NFKBID: variants seen among roughly 807,000 people sequenced by gnomAD.
NFKBID encodes the protein NFKB inhibitor delta, also known as NF-kappa-B inhibitor delta.
NFKBID carries 26 observed loss-of-function variants against 53.4 expected under a neutral mutation model. The observed-to-expected ratio is 0.49, with a 90% CI of 0.36 to 0.68. The LOEUF is 0.68. Ranked by LOEUF, NFKBID falls within the 30% of genes least tolerant of loss-of-function variation. NFKBID has a pLI of 0.00. For missense variants in NFKBID, 493 were observed against 614.1 expected, an observed-to-expected ratio of 0.80 and a Z score of 2.08; for synonymous variants, 262 against 259.8, an observed-to-expected ratio of 1.01 and a Z score of -0.08.
chr19:35,899,174 G>C (rs1484468070), intron 1 of NFKBID, among the ~76,000 whole-genome samples: 1 of 152,130 alleles, frequency 6.6e-6, no homozygotes, highest in Admixed American at 6.6e-5. Context: ...GTTGGTGGGG[G>C]GCCGGCGCCA....
chr19:35,897,383 T>A (rs2079220862), intron 4 of NFKBID: 12 of 551,714 alleles, frequency 2.2e-5, no homozygotes, highest in Non-Finnish European at 3.2e-5. Flanking sequence ...GCCTCCCGAG[T>A]AGCTAGGATT....
Position 35,893,648 on chromosome 19 carries a change from G to A in NFKBID, c.1032+2332C>T, listed in dbSNP as rs138514708. The stretch of plus-strand genomic sequence containing the variant: ...ATCCTGGCTAACACGGTGAAACTGC[G>A]TCTCTACTAAAAATGCAAAAATTTA... On this transcript the variant is annotated intron_variant, in intron 9 of 11. Coordinates refer to ENST00000641389, the Ensembl canonical transcript of NFKBID. Among the ~76,000 whole-genome samples the A allele has an allele frequency of 5.7e-3, 872 of 151,908 alleles. 13 individuals carry two copies. The highest frequency in any genetic ancestry group is 0.02 in the African/African-American group (815 of 41,486).
intron 9 of NFKBID, 118 bp downstream of exon 9, chr19:35,895,862 G>A (rs1241384189): frequency 1.2e-5 from 11 of 882,980 alleles, no homozygotes; most frequent in African/African-American, 3.3e-5. Context: ...GAAGTAACAT[G>A]TTCAAGGGCA....
intron 9 of NFKBID, 57 bp downstream of exon 9, chr19:35,895,923 C>G (rs1318596011): frequency 1.3e-6 from 2 of 1,548,608 alleles, no homozygotes; most frequent in African/African-American, 2.7e-5. Context: ...CCCGGACATC[C>G]AAGTGGCCCC....
intron 9 of NFKBID, among the ~76,000 whole-genome samples, chr19:35,891,461 A>G (rs1395406109): frequency 6.6e-6 from 1 of 152,184 alleles, no homozygotes; most frequent in East Asian, 1.9e-4. Context: ...TTTTTTAATG[A>G]AAAAAATTAT....
Position 35,900,313 on chromosome 19 carries a change from A to T in NFKBID, c.61+129T>A, listed in dbSNP as rs1975490275. The T allele has an allele frequency of 4.2e-6, 3 of 707,422 alleles. No individual in the cohort carries two copies. The South Asian group carries it at 2.2e-4, about 51-fold the overall frequency. The allele number at this position is 707,422 out of a possible 1,614,324, so 43.8% of individuals were successfully genotyped here. ...TCCACGATCCCCTCCTCCTCCAAAC[A>T]CCTAGGGCCCTCACTCTCGGGATAA... On this transcript the variant is annotated intron_variant, in intron 1 of 11. Coordinates refer to ENST00000641389, the Ensembl canonical transcript of NFKBID.
chr19:35,895,096 A>G (rs1021232032), intron 9 of NFKBID, among the ~76,000 whole-genome samples: 3 of 152,198 alleles, frequency 2.0e-5, no homozygotes, highest in African/African-American at 4.8e-5. Flanking sequence ...TGAGGTTTCA[A>G]TAAGCTAATC....
At chr19:35,897,435 G>A (rs1975257889) in intron 4 of NFKBID, 1 of 588,232 alleles carries the variant, frequency 1.7e-6, no homozygotes, top group Admixed American at 3.0e-5. Context: ...TTTTATTTTT[G>A]GTTTCACCAT....
chr19:35,892,693 G>A (rs569915015), intron 9 of NFKBID, among the ~76,000 whole-genome samples: 1 of 151,940 alleles, frequency 6.6e-6, no homozygotes, highest in Non-Finnish European at 1.5e-5. Flanking sequence ...CCTTCATTGT[G>A]AGCCCCGCAT....
chr19:35,900,296 C>T, intron 1 of NFKBID, 146 bp downstream of exon 1: 1 of 607,780 alleles, frequency 1.6e-6, no homozygotes. Flanking sequence ...GATCCACGAT[C>T]CCCTCCTCCT....
chr19:35,898,708 C>G lies in NFKBID; in HGVS notation c.165+11G>C, dbSNP rs1238786417. Reference sequence around the variant, plus strand: ...CGGGGCCTCCGGAGAGCTGTGGCTCCCTGGCCTCACCTGCACCCCGCCAGC... The same window carrying G: ...CGGGGCCTCCGGAGAGCTGTGGCTCGCTGGCCTCACCTGCACCCCGCCAGC... On this transcript the variant is annotated intron_variant, in intron 2 of 11. Coordinates refer to ENST00000641389, the Ensembl canonical transcript of NFKBID. The G allele has an allele frequency of 5.9e-6, 9 of 1,534,464 alleles. No homozygotes were observed. The highest frequency in any genetic ancestry group is 1.4e-5 in the African/African-American group (1 of 73,020).
intron 1 of NFKBID, 83 bp from the exon 2 acceptor site, chr19:35,898,905 T>G (rs1326261118): frequency 1.9e-6 from 2 of 1,026,520 alleles, no homozygotes; most frequent in Non-Finnish European, 2.9e-6. Flanking sequence ...GGGAGTGGGT[T>G]TGGGCACCCT....
In NFKBID at chr19:35,896,364, C is replaced by G; in HGVS notation, c.831+28G>C. 1 of 1,614,106 alleles carries G rather than the reference C, an allele frequency of 6.2e-7. No homozygotes were observed. On this transcript the variant is annotated intron_variant, in intron 7 of 11. Coordinates refer to ENST00000641389, the Ensembl canonical transcript of NFKBID. This position sits in a 1 kb window ranked among gnomAD's most constrained non-coding sequence, Gnocchi z 5.7. ...CTGGGCAACCAGTCTACCCCCCAGA[C>G]AAACCCCTGCCTGCCAGCTGGCCAT...
chr19:35,899,091 A>G (rs989602320), intron 1 of NFKBID, among the ~76,000 whole-genome samples: 2 of 152,038 alleles, frequency 1.3e-5, no homozygotes. Context: ...GGAGGAGGGC[A>G]CCCCTCTGCA....
chr19:35,898,999 C>T (rs1220366895), intron 1 of NFKBID, among the ~76,000 whole-genome samples, 177 bp from the exon 2 acceptor site: 1 of 152,188 alleles, frequency 6.6e-6, no homozygotes, highest in African/African-American at 2.4e-5. Context: ...GTGGGGCATC[C>T]GCCTCCGCCG....
intron 3 of NFKBID, 102 bp downstream of exon 3, chr19:35,898,370 G>T: frequency 2.8e-6 from 2 of 725,384 alleles, no homozygotes; most frequent in Non-Finnish European, 4.6e-6. Context: ...AAAAAGGGAA[G>T]AATGAGGGCC....
rs1292257946 is a variant in NFKBID at position 35,897,870 on chromosome 19, G to GAGGGGC, written c.227-20_227-15dup. On this transcript the variant is annotated splice_polypyrimidine_tract_variant and intron_variant, in intron 3 of 11. Transcript: ENST00000641389. ...AGGGAGGGTGGCCTGCGTGTAAGAG[G>GAGGGGC]AGGGGCAGGGGCAGGTCTGGTTACC... 4 of 1,527,276 alleles carry GAGGGGC rather than the reference G, an allele frequency of 2.6e-6. No homozygotes were observed. The highest frequency in any genetic ancestry group is 2.6e-6 in the Non-Finnish European group (3 of 1,138,030). 94.6% of individuals were successfully genotyped at this position (1,527,276 alleles called of 1,614,324 possible).
At chr19:35,888,699 G>A (rs1256107935) in intron 11 of NFKBID, 87 bp from the exon 12 acceptor site, 2 of 991,872 alleles carry the variant, frequency 2.0e-6, no homozygotes, top group East Asian at 2.6e-5. Context: ...AGGGGCTAGA[G>A]AAGAGAGGTT....
At chr19:35,894,541 AC>A (rs1219647180) in intron 9 of NFKBID, among the ~76,000 whole-genome samples, 1 of 151,542 alleles carries the variant, frequency 6.6e-6, no homozygotes, top group Non-Finnish European at 1.5e-5. Context: ...ACCCCACCTT[AC>A]AAAAAAGTTG....
Sources: gnomAD v4.1 joint callset for allele counts (sites outside exome capture counted in the v4.1 genomes callset) on GRCh38, gnomAD v4.1.1 for gene constraint, Gnocchi (gnomAD v3.1) non-coding constraint, MANE v1.5 for transcripts, NCBI Gene and HGNC (gene_info 2026-07-23, HGNC 2026-07-21) for gene names.